FIP1L1: variants seen among roughly 807,000 people sequenced by gnomAD.
FIP1L1 encodes factor interacting with PAPOLA and CPSF1.
FIP1L1 carries 21 observed loss-of-function variants against 84.6 expected under a neutral mutation model. That is an observed-to-expected ratio of 0.25 (90% CI 0.18 to 0.36). The LOEUF (loss-of-function observed/expected upper bound fraction) is 0.36, where lower values mean the gene tolerates loss of function less well. FIP1L1 is among the 10% of genes least tolerant of loss of function. The pLI is 1.00. For missense variants in FIP1L1, 526 were observed against 751.1 expected (o/e 0.70, Z 3.50); for synonymous variants, 263 against 242.3 (o/e 1.09, Z -0.80).
intron 17 of FIP1L1, 145 bp downstream of exon 17, chr4:53,458,935 T>G: frequency 1.1e-6 from 1 of 925,904 alleles, no homozygotes; most frequent in Non-Finnish European, 1.6e-6. Flanking sequence ...TTGTCTCAAA[T>G]TTTTTTAAAA....
chr4:53,449,342 G>T (rs914956093), intron 15 of FIP1L1, among the ~76,000 whole-genome samples: 2 of 151,910 alleles, frequency 1.3e-5, no homozygotes, highest in African/African-American at 4.8e-5. Context: ...AATAGGTACT[G>T]GGTTGTATCA....
At chr4:53,408,581 G>A (rs948095362) in intron 10 of FIP1L1, among the ~76,000 whole-genome samples, 1 of 152,150 alleles carries the variant, frequency 6.6e-6, no homozygotes, top group African/African-American at 2.4e-5. Context: ...ATAATATCCT[G>A]CAGAGTATTT....
chr4:53,442,489 A>G (rs1443306970), intron 13 of FIP1L1, 164 bp from the exon 14 acceptor site: 3 of 569,568 alleles, frequency 5.3e-6, no homozygotes, highest in Non-Finnish European at 9.4e-6. Flanking sequence ...TGCGCTAAAA[A>G]TCTGTTCATA....
In FIP1L1 at chr4:53,389,856, G is replaced by A. The variant is rs1341816364; in HGVS notation, c.380G>A (p.Arg127Lys). 22 of 1,601,268 alleles carry A rather than the reference G, an allele frequency of 1.4e-5. No homozygotes were observed. Among genetic ancestry groups the A allele is most frequent in the Non-Finnish European group, 1.6e-5 (19 of 1,175,666 alleles). ...AATCTTAACATCAAGACAGGGGGAAGAGTTTATGGAACTACAGGTAAAATT... is the reference window on the plus strand; with the variant it reads ...AATCTTAACATCAAGACAGGGGGAAAAGTTTATGGAACTACAGGTAAAATT... ...PVNLNIKTGG[R>K]VYGTTGTKVK... Residue 127 changes from arginine to lysine, a missense_variant, in exon 6 of 18, where the codon AGA becomes AAA. Arg to Lys is a conservative substitution (Grantham distance 26, BLOSUM62 2). This residue lies in a region of FIP1L1 where 169 missense variants were observed against 206.9 expected (regional missense o/e 0.82). Transcript: ENST00000337488.
intron 9 of FIP1L1, among the ~76,000 whole-genome samples, chr4:53,397,909 G>GAC (rs1419895901): frequency 6.6e-6 from 1 of 152,200 alleles, no homozygotes; most frequent in African/African-American, 2.4e-5. Flanking sequence ...GTAACTTTGA[G>GAC]ATGTCTGTTA....
At chr4:53,440,458 G>A in intron 13 of FIP1L1, 2 of 584,404 alleles carry the variant, frequency 3.4e-6, no homozygotes, top group Non-Finnish European at 6.1e-6. Flanking sequence ...TGGTTCTCTT[G>A]AGTGAATAAG....
chr4:53,435,996 TAAGGA>T (rs1446689194), intron 13 of FIP1L1, among the ~76,000 whole-genome samples: 1 of 152,212 alleles, frequency 6.6e-6, no homozygotes, highest in Non-Finnish European at 1.5e-5. Context: ...TCATGAGACT[TAAGGA>T]AAGTGATCAA....
chr4:53,455,359 C>A (rs1287426118), intron 16 of FIP1L1, among the ~76,000 whole-genome samples: 1 of 152,290 alleles, frequency 6.6e-6, no homozygotes, highest in East Asian at 1.9e-4. Flanking sequence ...CCTTCCTCTT[C>A]AAGCTTCCTC....
intron 11 of FIP1L1, among the ~76,000 whole-genome samples, chr4:53,421,455 C>T (rs1429585584): frequency 6.6e-6 from 1 of 152,208 alleles, no homozygotes; most frequent in Non-Finnish European, 1.5e-5. Flanking sequence ...ATCTTCCCAT[C>T]CTACATGTCT....
At position 53,379,283 on chromosome 4, in the gene FIP1L1, T is replaced by G. The variant is rs778273802; in HGVS notation, c.170+19T>G. On this transcript the variant is annotated intron_variant, in intron 3 of 17. Coordinates refer to ENST00000337488, the MANE Select transcript of FIP1L1 (RefSeq NM_030917.4). ...ATGCCAGGTTAGTGAAATTTTCTGT[T>G]GATGCCTATTACACAGGTTGTGTGA... 2 of 1,576,970 alleles carry G rather than the reference T, an allele frequency of 1.3e-6. No homozygotes were observed. Among genetic ancestry groups the G allele is most frequent in the Non-Finnish European group, 1.7e-6 (2 of 1,166,500 alleles).
intron 11 of FIP1L1, among the ~76,000 whole-genome samples, chr4:53,424,545 A>C (rs1763607593): frequency 6.6e-6 from 1 of 152,090 alleles, no homozygotes; most frequent in Non-Finnish European, 1.5e-5. Context: ...AATTGTACTA[A>C]AGTTATAGAG....
Position 53,396,138 on chromosome 4 carries a change from C to T in FIP1L1, c.706-3592C>T, listed in dbSNP as rs111637033. On this transcript the variant is annotated intron_variant, in intron 9 of 17. Transcript: ENST00000337488. ...TTTGCCATGTTGGCCAGGCTGGTCT[C>T]TAACTTCTGACCTCAGGTGATCCAC... Among the ~76,000 whole-genome samples the T allele has an allele frequency of 6.0e-3, 908 of 152,206 alleles. 5 individuals carry two copies. Among genetic ancestry groups the T allele is most frequent in the Non-Finnish European group, 9.4e-3 (638 of 67,988 alleles).
chr4:53,410,217 A>G (rs1238492549), intron 10 of FIP1L1, among the ~76,000 whole-genome samples: 1 of 152,186 alleles, frequency 6.6e-6, no homozygotes, highest in Non-Finnish European at 1.5e-5. Flanking sequence ...AGAGAAGACA[A>G]CACTTCATGA....
intron 11 of FIP1L1, among the ~76,000 whole-genome samples, chr4:53,419,567 A>G (rs1458720638): frequency 4.6e-5 from 7 of 152,068 alleles, no homozygotes; most frequent in Non-Finnish European, 1.0e-4. Flanking sequence ...CAGCCTCCCG[A>G]GTAGCTGGGA....
intron 9 of FIP1L1, among the ~76,000 whole-genome samples, chr4:53,392,551 A>G (rs1027788428): frequency 1.3e-5 from 2 of 152,248 alleles, no homozygotes; most frequent in African/African-American, 2.4e-5. Flanking sequence ...TATATTGTCT[A>G]TATAGGCATT....
intron 13 of FIP1L1, among the ~76,000 whole-genome samples, chr4:53,429,023 T>C (rs1175562035): frequency 6.6e-6 from 1 of 152,200 alleles, no homozygotes; most frequent in Non-Finnish European, 1.5e-5. Context: ...CACTTTTATT[T>C]GCAAGAGAGC....
At chr4:53,409,985 G>A (rs1020021999) in intron 10 of FIP1L1, among the ~76,000 whole-genome samples, 2 of 152,364 alleles carry the variant, frequency 1.3e-5, no homozygotes, top group East Asian at 1.9e-4. Context: ...CGCCCATGGT[G>A]CGCTGCACCC....
At chr4:53,419,836 G>C (rs1352744083) in intron 11 of FIP1L1, among the ~76,000 whole-genome samples, 1 of 152,146 alleles carries the variant, frequency 6.6e-6, no homozygotes, top group Non-Finnish European at 1.5e-5. Context: ...AAATCAGCCA[G>C]GCGCAATGGC....
At chr4:53,414,857 G>A (rs978978462) in intron 11 of FIP1L1, 135 bp downstream of exon 11, 4 of 561,318 alleles carry the variant, frequency 7.1e-6, no homozygotes, top group African/African-American at 5.8e-5. Context: ...GGGTACAGTT[G>A]TAGGTTTTTT....
Sources: allele counts gnomAD v4.1 joint callset (sites outside exome capture counted in the v4.1 genomes callset), GRCh38; gene constraint gnomAD v4.1.1; regional missense constraint gnomAD v4.1.1; transcripts MANE v1.5; gene names NCBI Gene and HGNC (gene_info 2026-07-23, HGNC 2026-07-21).